OLFM3: variants seen among roughly 807,000 people sequenced by gnomAD.
The protein encoded by OLFM3 is olfactomedin 3.
In OLFM3, 20 loss-of-function variants were observed where a neutral mutation model predicts 48.6. The observed-to-expected ratio is 0.41, with a 90% CI of 0.29 to 0.60. OLFM3 has a LOEUF of 0.60. Ranked by LOEUF, OLFM3 falls within the 20% of genes least tolerant of loss-of-function variation. The pLI, the probability that OLFM3 is intolerant of heterozygous loss-of-function variation, is 0.28. For synonymous variants in OLFM3, 222 were observed against 198.1 expected, an observed-to-expected ratio of 1.12 and a Z score of -1.01; for missense variants, 437 against 544.3, an observed-to-expected ratio of 0.80 and a Z score of 1.96.
At chr1:101,862,779 A>G (rs1317331380) in intron 1 of OLFM3, among the ~76,000 whole-genome samples, 5 of 152,224 alleles carry the variant, frequency 3.3e-5, no homozygotes, top group African/African-American at 1.2e-4. Flanking sequence ...AATTTCAGAA[A>G]CACTCATATA....
chr1:101,835,142 G>A (rs1382095664), intron 2 of OLFM3, among the ~76,000 whole-genome samples: 1 of 152,062 alleles, frequency 6.6e-6, no homozygotes, highest in Non-Finnish European at 1.5e-5. Flanking sequence ...GATATTTCTG[G>A]GTAGAAAAGA....
chr1:101,932,701 C>T (rs1399294194), intron 1 of OLFM3, among the ~76,000 whole-genome samples: 1 of 152,168 alleles, frequency 6.6e-6, no homozygotes, highest in Non-Finnish European at 1.5e-5. Flanking sequence ...TCAACCCACA[C>T]AGATGACAAA....
rs116091754 is a variant in OLFM3 at position 101,813,510 on chromosome 1, C to G, written c.593-7328G>C. Among the ~76,000 whole-genome samples, 983 of 152,226 alleles carry G rather than the reference C, an allele frequency of 6.5e-3. 8 individuals are homozygous for G. Among genetic ancestry groups the G allele is most frequent in the African/African-American group, 0.019 (778 of 41,544 alleles). ...TTCACCATAGCTCACCGATTTGTTCCTGCACACGTGTCTTAAAGGTAGTTG... is the reference window on the plus strand; with the variant it reads ...TTCACCATAGCTCACCGATTTGTTCGTGCACACGTGTCTTAAAGGTAGTTG... On this transcript the variant is annotated intron_variant, in intron 4 of 5. Coordinates refer to ENST00000370103, the MANE Select transcript of OLFM3 (RefSeq NM_058170.4).
intron 1 of OLFM3, among the ~76,000 whole-genome samples, chr1:101,925,747 C>T (rs1659252339): frequency 1.3e-5 from 2 of 151,210 alleles, no homozygotes; most frequent in African/African-American, 2.4e-5. Flanking sequence ...CCAGGCTGGT[C>T]TCAAACTCCT....
intron 1 of OLFM3, among the ~76,000 whole-genome samples, chr1:101,950,732 T>C (rs1042702612): frequency 6.6e-6 from 1 of 152,100 alleles, no homozygotes; most frequent in Admixed American, 6.5e-5. Flanking sequence ...GCGTGAGCCA[T>C]TGCGCGCGGC....
intron 1 of OLFM3, among the ~76,000 whole-genome samples, chr1:101,939,335 A>G (rs1017598700): frequency 6.6e-6 from 1 of 152,184 alleles, no homozygotes; most frequent in Non-Finnish European, 1.5e-5. Context: ...TCAGAATGGT[A>G]TTTTGAAAGT....
intron 1 of OLFM3, among the ~76,000 whole-genome samples, chr1:101,949,388 G>A (rs759377276): frequency 6.6e-6 from 1 of 152,024 alleles, no homozygotes; most frequent in Non-Finnish European, 1.5e-5. Context: ...AAAATATCAC[G>A]TACATGCTGA....
rs111919363 is a variant in OLFM3, at chr1:101,893,117, G to T, written c.70-56092C>A. On this transcript the variant is annotated intron_variant, in intron 1 of 5. Coordinates refer to ENST00000370103, the MANE Select transcript of OLFM3 (RefSeq NM_058170.4). ...TTGGTTTCTGAAGAGGAGGAAGGAT[G>T]CAGAGTAAAAGGAAATGTAAAAGTG... The T allele has an allele frequency of 1.8e-3, 352 of 190,352 alleles. 3 individuals carry two copies. Among genetic ancestry groups the T allele is most frequent in the African/African-American group, 8.1e-3 (338 of 41,912 alleles). The allele number at this position is 190,352 out of a possible 1,614,324, so 11.8% of individuals were successfully genotyped here.
intron 1 of OLFM3, among the ~76,000 whole-genome samples, chr1:101,973,494 C>T (rs185710987): frequency 1.3e-5 from 2 of 152,212 alleles, no homozygotes; most frequent in African/African-American, 4.8e-5. Context: ...AAAATATTCA[C>T]AAACATACCT....
At chr1:101,866,649 TTAAA>T (rs1029893611) in intron 1 of OLFM3, among the ~76,000 whole-genome samples, 122 of 152,298 alleles carry the variant, frequency 8.0e-4, no homozygotes, top group African/African-American at 2.8e-3. Flanking sequence ...GATAAATTAC[TTAAA>T]TAAGCATTCA....
chr1:101,989,112 G>C (rs1028068809), intron 1 of OLFM3, among the ~76,000 whole-genome samples: 1 of 152,066 alleles, frequency 6.6e-6, no homozygotes, highest in African/African-American at 2.4e-5. Flanking sequence ...TTGTACTTGA[G>C]TTGCATCCTA....
At chr1:101,909,118 A>G (rs1658657803) in intron 1 of OLFM3, among the ~76,000 whole-genome samples, 1 of 152,176 alleles carries the variant, frequency 6.6e-6, no homozygotes, top group Non-Finnish European at 1.5e-5. Flanking sequence ...GTTATACAAT[A>G]CATTTCTCAC....
chr1:101,973,277 G>A (rs1237584406), intron 1 of OLFM3, among the ~76,000 whole-genome samples: 2 of 152,186 alleles, frequency 1.3e-5, no homozygotes, highest in East Asian at 3.9e-4. Context: ...TGTAACCATG[G>A]AGGCCAAAGG....
At chr1:101,838,620 C>T (rs1030852893) in intron 1 of OLFM3, among the ~76,000 whole-genome samples, 2 of 152,048 alleles carry the variant, frequency 1.3e-5, no homozygotes, top group Admixed American at 6.6e-5. Context: ...CCTGATATTC[C>T]ATTAAAAAGT....
At chr1:101,957,227 G>A (rs1474654824) in intron 1 of OLFM3, among the ~76,000 whole-genome samples, 2 of 151,912 alleles carry the variant, frequency 1.3e-5, no homozygotes, top group African/African-American at 2.4e-5. Flanking sequence ...TTTGACTTTT[G>A]GAGTCAGTCT....
At chr1:101,828,594 G>GT (rs1162841744) in intron 3 of OLFM3, among the ~76,000 whole-genome samples, 1 of 152,100 alleles carries the variant, frequency 6.6e-6, no homozygotes, top group African/African-American at 2.4e-5. Flanking sequence ...TCTCAATTTT[G>GT]TATCCTTTTT....
At chr1:101,991,979 T>C (rs893938691) in intron 1 of OLFM3, among the ~76,000 whole-genome samples, 10 of 152,076 alleles carry the variant, frequency 6.6e-5, no homozygotes, top group African/African-American at 2.4e-4. Flanking sequence ...TTTTGATAAA[T>C]GGTCAAATAT....
At chr1:101,878,492 C>T (rs1216147874) in intron 1 of OLFM3, among the ~76,000 whole-genome samples, 36 of 151,900 alleles carry the variant, frequency 2.4e-4, no homozygotes, top group Admixed American at 2.3e-3. Flanking sequence ...TTATATTCTA[C>T]ATCAGCTACA....
intron 1 of OLFM3, among the ~76,000 whole-genome samples, chr1:101,841,129 C>T (rs1336760156): frequency 6.6e-6 from 1 of 152,092 alleles, no homozygotes; most frequent in African/African-American, 2.4e-5. Context: ...AGTTCTAAGG[C>T]TTCAGGGGCT....
Sources: gnomAD v4.1 joint callset for allele counts (sites outside exome capture counted in the v4.1 genomes callset) on GRCh38, gnomAD v4.1.1 for gene constraint, MANE v1.5 for transcripts, NCBI Gene and HGNC (gene_info 2026-07-23, HGNC 2026-07-21) for gene names.